The following ZSCAN26 variants were observed in gnomAD, a reference collection of about 807,000 sequenced individuals.
ZSCAN26 encodes zinc finger and SCAN domain containing 26.
In ZSCAN26, 26 loss-of-function variants were observed where a neutral mutation model predicts 23.0. That is an observed-to-expected ratio of 1.13 (90% CI 0.83 to 1.57). ZSCAN26 has a LOEUF of 1.57. Among genes scored for constraint, ZSCAN26 ranks in the 40% most tolerant of loss-of-function variants. ZSCAN26 has a pLI of 0.00. For missense variants in ZSCAN26, 528 were observed against 568.5 expected (o/e 0.93, Z 0.72); for synonymous variants, 180 against 202.5 (o/e 0.89, Z 0.94).
In ZSCAN26 at chr6:28,278,135, C is replaced by T. The variant is rs1220072918; in HGVS notation, c.*1039C>T. The T allele has an allele frequency of 6.6e-6, 1 of 152,176 alleles. No individual in the cohort carries two copies. The highest frequency in any genetic ancestry group is 1.5e-5 in the Non-Finnish European group (1 of 68,034). The allele number at this position is 152,176 out of a possible 1,614,324, so 9.4% of individuals were successfully genotyped here. A position where few individuals can be genotyped will look rare whatever the true frequency, so the allele number is the denominator to read the frequency against. ...TGACAACTTCAGCCCTCAGCCTCTG[C>T]AATCCATATATATCCTGGTCTTGGG... On this transcript the variant is annotated 3_prime_UTR_variant, in exon 4 of 4. Coordinates refer to ENST00000421553, the MANE Select transcript of ZSCAN26 (RefSeq NM_001023560.4).
In ZSCAN26 at chr6:28,271,922, G is replaced by GGCAACA; in HGVS notation, c.7_12dup (p.Thr3_Ala4dup). ...AGGAGAACAGTCTGAAGCTGGGGAT[G>GGCAACA]GCAACAGCATTGGTGAGTGCCCATT... On this transcript the variant is annotated inframe_insertion, in exon 2 of 4. Transcript: ENST00000421553. 6.5e-7 allele frequency: 1 copy of GGCAACA among 1,548,368 alleles called. No homozygotes were observed. The highest frequency in any genetic ancestry group is 8.7e-7 in the Non-Finnish European group (1 of 1,145,356).
Position 28,276,964 on chromosome 6 carries a change from A to G in ZSCAN26, c.1308A>G (p.Ser436=), listed in dbSNP as rs557609192. ...NICQKAFRLN[S]HLAQHVRIHN... ...GCCAGAAAGCCTTCCGACTAAACTC[A>G]CACCTTGCTCAGCATGTAAGAATCC... The change falls in exon 4 of 4, where the codon TCA becomes TCG. Residue 436 remains serine (S), a synonymous_variant. Transcript: ENST00000421553. The G allele has an allele frequency of 4.3e-6, 7 of 1,614,068 alleles. No homozygotes were observed. The Admixed American group carries it at 1.2e-4, about 27-fold the overall frequency.
chr6:28,269,062 A>G (rs1425715090), intron 1 of ZSCAN26, among the ~76,000 whole-genome samples: 1 of 151,970 alleles, frequency 6.6e-6, no homozygotes, highest in East Asian at 1.9e-4. Flanking sequence ...GCAGTAAGCC[A>G]AGATTGCGCT....
At chr6:28,275,525 G>A (rs1341776745) in intron 3 of ZSCAN26, among the ~76,000 whole-genome samples, 1 of 152,152 alleles carries the variant, frequency 6.6e-6, no homozygotes, top group Non-Finnish European at 1.5e-5. Flanking sequence ...TTGTGCATCA[G>A]GGGTGCAGGG....
intron 1 of ZSCAN26, among the ~76,000 whole-genome samples, chr6:28,269,801 A>T (rs1343330947): frequency 6.6e-6 from 1 of 152,232 alleles, no homozygotes; most frequent in African/African-American, 2.4e-5. Context: ...ACAGTCTACC[A>T]ATTTAAATGT....
At chr6:28,267,653 T>C (rs1049136227) in intron 1 of ZSCAN26, among the ~76,000 whole-genome samples, 2 of 152,154 alleles carry the variant, frequency 1.3e-5, no homozygotes, top group African/African-American at 4.8e-5. Flanking sequence ...AGGCGACCTT[T>C]GTAGGGAATG....
chr6:28,275,540 A>G (rs1761896428), intron 3 of ZSCAN26, among the ~76,000 whole-genome samples: 1 of 152,202 alleles, frequency 6.6e-6, no homozygotes, highest in African/African-American at 2.4e-5. Flanking sequence ...GCAGGGAGCG[A>G]CAGACATGAA....
chr6:28,268,626 T>G (rs1480593864), intron 1 of ZSCAN26, among the ~76,000 whole-genome samples: 1 of 152,172 alleles, frequency 6.6e-6, no homozygotes, highest in Non-Finnish European at 1.5e-5. Context: ...ATTTGAGAGA[T>G]ATTTAAGCAA....
intron 3 of ZSCAN26, among the ~76,000 whole-genome samples, chr6:28,275,964 C>T (rs565705527): frequency 5.9e-5 from 9 of 152,160 alleles, no homozygotes; most frequent in African/African-American, 9.7e-5. Context: ...AAAATTTAAA[C>T]TATTTAAAAT....
rs991796657 is a variant in ZSCAN26 at position 28,276,989 on chromosome 6, C to T, written c.1333C>T (p.His445Tyr). ...NSHLAQHVRI[H>Y]NEEKPYQCSE... ...ACACCTTGCTCAGCATGTAAGAATC[C>T]ACAATGAAGAAAAACCCTATCAGTG... The change falls in exon 4 of 4, where the codon CAC (histidine) becomes TAC (tyrosine). Residue 445 changes from histidine to tyrosine, a missense_variant. By Grantham distance (83) the His-to-Tyr change is moderately conservative. Transcript: ENST00000421553. The T allele has an allele frequency of 6.2e-7, 1 of 1,613,932 alleles. No individual in the cohort carries two copies. Among genetic ancestry groups the T allele is most frequent in the East Asian group, 2.2e-5 (1 of 44,886 alleles).
At position 28,277,805 on chromosome 6, in the gene ZSCAN26, A is replaced by C. The variant is rs1762012465; in HGVS notation, c.*709A>C. On this transcript the variant is annotated 3_prime_UTR_variant, in exon 4 of 4. Transcript: ENST00000421553. ...CTTAGACTTTGAAAGAGATTTCATGAGTAATTTGAATGAACCTTGCTGAAT... is the reference window on the plus strand; with the variant it reads ...CTTAGACTTTGAAAGAGATTTCATGCGTAATTTGAATGAACCTTGCTGAAT... The C allele has an allele frequency of 6.6e-6, 1 of 152,258 alleles. No homozygotes were observed. Among genetic ancestry groups the C allele is most frequent in the African/African-American group, 2.4e-5 (1 of 41,462 alleles). The allele number at this position is 152,258 out of a possible 1,614,324, so 9.4% of individuals were successfully genotyped here. A position where few individuals can be genotyped will look rare whatever the true frequency, so the allele number is the denominator to read the frequency against.
At chr6:28,267,626 G>C (rs897689717) in intron 1 of ZSCAN26, among the ~76,000 whole-genome samples, 2 of 152,212 alleles carry the variant, frequency 1.3e-5, no homozygotes, top group African/African-American at 4.8e-5. Flanking sequence ...GACCAGAGCG[G>C]TTGGAGCAGT....
chr6:28,272,795 T>C lies in ZSCAN26; in HGVS notation c.538+8T>C, dbSNP rs1305901396. On this transcript the variant is annotated splice_region_variant and intron_variant, in intron 3 of 3. Coordinates refer to ENST00000421553, the MANE Select transcript of ZSCAN26 (RefSeq NM_001023560.4). ...AGCCTGAGAAAGAGAAGGGTAAGAA[T>C]TGGATTGCATCTTCTGTGTGTGAGA... The C allele has an allele frequency of 3.1e-6, 5 of 1,606,042 alleles. No homozygotes were observed. The highest frequency in any genetic ancestry group is 2.2e-5 in the East Asian group (1 of 44,796).
chr6:28,277,280 C>G lies in ZSCAN26; in HGVS notation c.*184C>G, dbSNP rs1411739002. Reference sequence around the variant, plus strand: ...TCAGCTTTGGACCACAATAATTTCACTGTAGATGATATGCTAGGATCAAAG... The same window carrying G: ...TCAGCTTTGGACCACAATAATTTCAGTGTAGATGATATGCTAGGATCAAAG... On this transcript the variant is annotated 3_prime_UTR_variant, in exon 4 of 4. Transcript: ENST00000421553. 1.6e-6 allele frequency: 1 copy of G among 611,334 alleles called. No individual in the cohort carries two copies. Among genetic ancestry groups the G allele is most frequent in the Non-Finnish European group, 2.9e-6 (1 of 350,750 alleles). 37.9% of individuals were successfully genotyped at this position (611,334 alleles called of 1,614,324 possible).
Position 28,276,192 on chromosome 6 carries a change from C to T in ZSCAN26, c.539-3C>T, listed in dbSNP as rs1482131345. ...AATTGGTGGTATATATTTAATATTG[C>T]AGGTGAGGAGACAAGGATTGAGAAT... On this transcript the variant is annotated splice_region_variant and splice_polypyrimidine_tract_variant and intron_variant, in intron 3 of 3. Coordinates refer to ENST00000421553, the MANE Select transcript of ZSCAN26 (RefSeq NM_001023560.4). 5 of 1,596,568 alleles carry T rather than the reference C, an allele frequency of 3.1e-6. No individual in the cohort carries two copies. The highest frequency in any genetic ancestry group is 1.7e-4 in the Middle Eastern group (1 of 5,834).
chr6:28,275,446 G>A (rs534395850), intron 3 of ZSCAN26, among the ~76,000 whole-genome samples: 1 of 152,300 alleles, frequency 6.6e-6, no homozygotes, highest in Admixed American at 6.5e-5. Context: ...TTTAATGTCT[G>A]TTATGTACCA....
chr6:28,276,407 G>A lies in ZSCAN26; in HGVS notation c.751G>A (p.Ala251Thr). The part of the protein sequence containing the change: ...FIQHLDLIEH[A>T]STHTGKKLCE... ...CCAGCACTTGGACCTGATTGAACAT[G>A]CGAGTACACACACGGGAAAGAAACT... The change falls in exon 4 of 4, where the codon GCG becomes ACG. Residue 251 changes from alanine to threonine, a missense_variant. By Grantham distance (58) the Ala-to-Thr change is moderately conservative (BLOSUM62 0). Coordinates refer to ENST00000421553, the MANE Select transcript of ZSCAN26 (RefSeq NM_001023560.4). 2 of 1,614,012 alleles carry A rather than the reference G, an allele frequency of 1.2e-6. No individual in the cohort carries two copies. The highest frequency in any genetic ancestry group is 8.5e-7 in the Non-Finnish European group (1 of 1,179,884).
At chr6:28,271,484 G>C (rs189237313) in intron 1 of ZSCAN26, among the ~76,000 whole-genome samples, 2 of 151,464 alleles carry the variant, frequency 1.3e-5, no homozygotes, top group African/African-American at 4.9e-5. Flanking sequence ...TCAGCCTCCC[G>C]AGTAGCTTGG....
intron 2 of ZSCAN26, 132 bp from the exon 3 acceptor site, chr6:28,272,538 C>G: frequency 1.0e-6 from 1 of 992,524 alleles, no homozygotes; most frequent in East Asian, 2.6e-5. Context: ...CACCAGATTC[C>G]CCATCTTCTT....
Sources: allele counts gnomAD v4.1 joint callset (sites outside exome capture counted in the v4.1 genomes callset), GRCh38; gene constraint gnomAD v4.1.1; transcripts MANE v1.5; gene names NCBI Gene and HGNC (gene_info 2026-07-23, HGNC 2026-07-21).